The following OFD1 variants were observed in gnomAD, a reference collection of about 807,000 sequenced individuals.
OFD1 encodes OFD1 centriole and centriolar satellite protein.
OFD1 carries 12 observed loss-of-function variants against 81.4 expected under a neutral mutation model. The ratio of observed to expected loss-of-function variants is 0.15; its 90% CI spans 0.09 to 0.24. OFD1 has a LOEUF of 0.24. OFD1 is among the 10% of genes least tolerant of loss of function. The pLI, the probability that OFD1 is intolerant of heterozygous loss-of-function variation, is 1.00. For missense variants in OFD1, 685 were observed against 733.9 expected (o/e 0.93, Z 0.77); for synonymous variants, 256 against 263.7 (o/e 0.97, Z 0.28).
chrX:13,718,089 C>G, the OFD1 span, among the ~76,000 whole-genome samples: 6 of 112,399 alleles, frequency 5.3e-5, no homozygotes, highest in Non-Finnish European at 1.1e-4. Flanking sequence ...AGCATGGCCC[C>G]ACTGACACCT....
chrX:13,746,455 G>A lies in OFD1; in HGVS notation c.654G>A (p.Lys218=). The A allele has an allele frequency of 3.3e-6, 4 of 1,209,262 alleles. No individual in the cohort carries two copies. Among genetic ancestry groups the A allele is most frequent in the Non-Finnish European group, 4.5e-6 (4 of 893,272 alleles). The change falls in exon 7 of 23, where the codon AAG becomes AAA. Residue 218 remains lysine (K), a splice_region_variant and synonymous_variant. Transcript: ENST00000340096. ...AACTTCGGGCAGAAATGTGTCAAAA[G>A]GTAAGCTTTATCTTGTTACTGTAAA... ...EEQLRAEMCQ[K]LKFFKDTEIA... is the part of the protein sequence containing the mutation.
chrX:13,738,339 A>G (rs1439670078), intron 3 of OFD1, among the ~76,000 whole-genome samples: 4 of 112,923 alleles, frequency 3.5e-5, no homozygotes, highest in Non-Finnish European at 7.5e-5. Flanking sequence ...AACAAATATC[A>G]GTGTTCTCAG....
intron 9 of OFD1, 76 bp from the exon 10 acceptor site, chrX:13,751,173 C>T (rs931273063): frequency 3.7e-5 from 37 of 995,035 alleles, no homozygotes; most frequent in Non-Finnish European, 5.1e-5. Context: ...TGGAACTAGA[C>T]ACATGTGATT....
chrX:13,717,490 C>G, the OFD1 span, among the ~76,000 whole-genome samples: 2 of 111,648 alleles, frequency 1.8e-5, no homozygotes, highest in African/African-American at 6.5e-5. Flanking sequence ...GCTTGTAATC[C>G]TAGCACTTTG....
At chrX:13,722,520 T>C in the OFD1 span, among the ~76,000 whole-genome samples, 1 of 111,871 alleles carries the variant, frequency 8.9e-6, no homozygotes, top group Admixed American at 9.5e-5. Context: ...AGAAGGGCTG[T>C]AGCTTTTCAT....
At position 13,740,962 on chromosome X, in the gene OFD1, C is replaced by T. The variant is rs1359434287; in HGVS notation, c.412+1930C>T. ...GACCATCCTGGCCAACATGGTGAAA[C>T]CCCGTCTCTACTAAAATACAAAAAA... On this transcript the variant is annotated intron_variant, in intron 5 of 22. Coordinates refer to ENST00000340096, the MANE Select transcript of OFD1 (RefSeq NM_003611.3). Among the ~76,000 whole-genome samples the T allele has an allele frequency of 2.8e-5, 3 of 109,039 alleles. No individual in the cohort carries two copies. In the Admixed American group the frequency reaches 2.9e-4, roughly 11 times the overall value. The allele number at this position is 109,039 out of a possible 115,157, so 94.7% of individuals were successfully genotyped here.
chrX:13,773,092 A>G, downstream of OFD1: 6 of 1,042,500 alleles, frequency 5.8e-6, no homozygotes, highest in Non-Finnish European at 8.0e-6. Flanking sequence ...GCGAGGCGCT[A>G]GTTAGATTAG....
intron 22 of OFD1, 59 bp from the exon 23 acceptor site, chrX:13,769,007 A>C: frequency 1.1e-6 from 1 of 927,213 alleles, no homozygotes; most frequent in South Asian, 2.0e-5. Context: ...CATTATGAAG[A>C]TAGCAAATAA....
chrX:13,757,086 C>T (rs1311708665), intron 13 of OFD1, among the ~76,000 whole-genome samples: 2 of 112,006 alleles, frequency 1.8e-5, no homozygotes, highest in Non-Finnish European at 3.8e-5. Context: ...TGCACCACCA[C>T]CCTGTCTCTA....
chrX:13,738,059 A>G (rs1349762534), intron 3 of OFD1, among the ~76,000 whole-genome samples: 1 of 111,565 alleles, frequency 9.0e-6, no homozygotes, highest in African/African-American at 3.3e-5. Flanking sequence ...CATGTTGGCC[A>G]GGCTGGTCTC....
chrX:13,735,460 G>A (rs1602762714), intron 2 of OFD1, 114 bp downstream of exon 2: 1 of 568,891 alleles, frequency 1.8e-6, no homozygotes, highest in East Asian at 3.5e-5. Context: ...GATTGTATTG[G>A]TGAATTACAT....
At chrX:13,751,147 T>C in intron 9 of OFD1, 102 bp from the exon 10 acceptor site, 1 of 751,212 alleles carries the variant, frequency 1.3e-6, no homozygotes, top group Non-Finnish European at 2.0e-6. Context: ...TGATATCATG[T>C]AGCAGTTTTA....
At chrX:13,755,279 TA>T (rs1453520306) in intron 12 of OFD1, 37 bp downstream of exon 12, 2 of 982,110 alleles carry the variant, frequency 2.0e-6, no homozygotes, top group South Asian at 3.9e-5. Context: ...AAATAGATTT[TA>T]AGCAATATAT....
chrX:13,761,495 C>A (rs753488056), intron 17 of OFD1, among the ~76,000 whole-genome samples: 5 of 111,674 alleles, frequency 4.5e-5, no homozygotes, highest in African/African-American at 6.5e-5. Flanking sequence ...CTTCCTAGTT[C>A]TGTGAATAGA....
intron 3 of OFD1, among the ~76,000 whole-genome samples, chrX:13,737,582 GT>G (rs1290863905): frequency 9.1e-6 from 1 of 109,761 alleles, no homozygotes; most frequent in Admixed American, 9.7e-5. Context: ...AGAGGCCATA[GT>G]TTACAGTGAA....
At chrX:13,736,943 A>G (rs1003712401) in intron 3 of OFD1, among the ~76,000 whole-genome samples, 6 of 112,628 alleles carry the variant, frequency 5.3e-5, no homozygotes, top group African/African-American at 1.6e-4. Flanking sequence ...TAATTGATCT[A>G]TCTATCCTCT....
chrX:13,756,287 A>G (rs2047709119), intron 12 of OFD1, among the ~76,000 whole-genome samples: 1 of 111,820 alleles, frequency 8.9e-6, no homozygotes, highest in South Asian at 3.7e-4. Flanking sequence ...TAAAAAATAT[A>G]TATTGCTATG....
chrX:13,755,027 A>T, intron 11 of OFD1, 124 bp from the exon 12 acceptor site: 2 of 535,333 alleles, frequency 3.7e-6, no homozygotes, highest in Non-Finnish European at 6.6e-6. Flanking sequence ...CTTGCCCGCT[A>T]CATCTGCTAT....
chrX:13,739,349 A>T (rs965350681), intron 5 of OFD1: 1 of 261,446 alleles, frequency 3.8e-6, no homozygotes, highest in Non-Finnish European at 6.6e-6. Flanking sequence ...TTTGTATACT[A>T]GGTATCCCTC....
Sources: allele counts gnomAD v4.1 joint callset (sites outside exome capture counted in the v4.1 genomes callset), GRCh38; gene constraint gnomAD v4.1.1; transcripts MANE v1.5; gene names NCBI Gene and HGNC (gene_info 2026-07-23, HGNC 2026-07-21).